FBXO9: variants seen among roughly 807,000 people sequenced by gnomAD.
FBXO9 encodes the protein F-box only protein 9.
Under a neutral mutation model 63.7 loss-of-function variants are expected in FBXO9, and 43 were observed. The ratio of observed to expected loss-of-function variants is 0.67; its 90% CI spans 0.53 to 0.87. The LOEUF is 0.87. Ranked by LOEUF, FBXO9 falls within the 40% of genes least tolerant of loss-of-function variation. FBXO9 has a pLI of 0.00. For synonymous variants in FBXO9, 156 were observed against 171.7 expected (o/e 0.91, Z 0.72); for missense variants, 442 against 533.2 (o/e 0.83, Z 1.68).
At chr6:53,086,064 G>A (rs909620296) in intron 7 of FBXO9, among the ~76,000 whole-genome samples, 3 of 152,294 alleles carry the variant, frequency 2.0e-5, no homozygotes, top group South Asian at 2.1e-4. Context: ...CAGGAGAATC[G>A]CTTGAACCCG....
At chr6:53,078,685 C>T in intron 4 of FBXO9, 114 bp from the exon 5 acceptor site, 1 of 704,444 alleles carries the variant, frequency 1.4e-6, no homozygotes, top group Non-Finnish European at 2.4e-6. Context: ...TGTAGAAAAA[C>T]AGAATTTGGC....
At chr6:53,080,850 T>C (rs1184543759) in intron 5 of FBXO9, 118 bp from the exon 6 acceptor site, 2 of 1,037,454 alleles carry the variant, frequency 1.9e-6, no homozygotes, top group East Asian at 4.8e-5. Context: ...GTATCACATG[T>C]TGAATAAGCT....
At chr6:53,066,577 C>CA (rs1247508557) in intron 1 of FBXO9, among the ~76,000 whole-genome samples, 9 of 152,222 alleles carry the variant, frequency 5.9e-5, no homozygotes, top group Admixed American at 5.9e-4. Flanking sequence ...ATAGTGGACT[C>CA]AAATATTTAT....
chr6:53,083,570 A>G (rs913647650), intron 7 of FBXO9, among the ~76,000 whole-genome samples: 1 of 152,248 alleles, frequency 6.6e-6, no homozygotes, highest in African/African-American at 2.4e-5. Context: ...AAGATCAGTA[A>G]CAAGGGGGAC....
rs895505316 is a variant in FBXO9, at chr6:53,095,717, A to T, written c.1205+53A>T. On this transcript the variant is annotated intron_variant, in intron 12 of 12. Transcript: ENST00000323557. ...GTTACACTATAAATGTATACTTCGTATCCAGCTTAAGAATTTCAGATATGT... is the reference window on the plus strand; with the variant it reads ...GTTACACTATAAATGTATACTTCGTTTCCAGCTTAAGAATTTCAGATATGT... The T allele has an allele frequency of 1.8e-5, 26 of 1,460,000 alleles. No homozygotes were observed. The African/African-American group carries it at 2.9e-4, about 16-fold the overall frequency. The allele number at this position is 1,460,000 out of a possible 1,614,324, so 90.4% of individuals were successfully genotyped here.
rs1438787924 is a variant in FBXO9, at chr6:53,098,695, G to C, written c.*865G>C. The C allele has an allele frequency of 6.6e-6, 1 of 152,200 alleles. No individual in the cohort carries two copies. The highest frequency in any genetic ancestry group is 1.5e-5 in the Non-Finnish European group (1 of 68,036). The allele number at this position is 152,200 out of a possible 1,614,324, so 9.4% of individuals were successfully genotyped here. A position where few individuals can be genotyped will look rare whatever the true frequency, so the allele number is the denominator to read the frequency against. On this transcript the variant is annotated 3_prime_UTR_variant, in exon 13 of 13. Transcript: ENST00000323557. Reference sequence around the variant, plus strand: ...CTTACCAATATATGACATTAAGTGAGAGTGAATCCCTTAGGACTGGAACAC... The same window carrying C: ...CTTACCAATATATGACATTAAGTGACAGTGAATCCCTTAGGACTGGAACAC...
chr6:53,095,844 G>A (rs1292863803), intron 12 of FBXO9, among the ~76,000 whole-genome samples, 180 bp downstream of exon 12: 1 of 152,184 alleles, frequency 6.6e-6, no homozygotes, highest in East Asian at 1.9e-4. Flanking sequence ...GACTAAGCAT[G>A]CTTGAGGAAG....
At position 53,093,902 on chromosome 6, in the gene FBXO9, T is replaced by C; in HGVS notation, c.977T>C (p.Leu326Pro). The C allele has an allele frequency of 6.5e-7, 1 of 1,550,320 alleles. No individual in the cohort carries two copies. Among genetic ancestry groups the C allele is most frequent in the Non-Finnish European group, 8.7e-7 (1 of 1,146,488 alleles). Residue 326 changes from leucine to proline, a missense_variant, in exon 11 of 13, where the codon CTG (leucine) becomes CCG (proline). Around this residue, in one of 2 missense-constraint regions of FBXO9, gnomAD observed 262 missense variants for 362.1 expected, o/e 0.72. Transcript: ENST00000323557. ...TTTTTAAGGACTGATGCAATTCTAC[T>C]GGGTCACTATCGCTTGTCACAAGAC... ...TRNTRTDAIL[L>P]GHYRLSQDTD...
intron 3 of FBXO9, among the ~76,000 whole-genome samples, chr6:53,074,066 T>C (rs151204508): frequency 4.5e-4 from 68 of 152,346 alleles, no homozygotes; most frequent in Middle Eastern, 3.4e-3. Flanking sequence ...TTTTGTTATA[T>C]TTTGAATTGA....
At position 53,073,479 on chromosome 6, in the gene FBXO9, AG is replaced by A; in HGVS notation, c.91del. ...AGTCCTAAAATGCTGTTCTCCCCAT[AG>A]GCACAACTCCAGATGTTCCGAGCTC... On this transcript the variant is annotated splice_acceptor_variant, in intron 2 of 12. Coordinates refer to ENST00000323557, the MANE Select transcript of FBXO9 (RefSeq NM_033480.3). LOFTEE classifies it high-confidence loss of function. 6 of 1,613,068 alleles carry A rather than the reference AG, an allele frequency of 3.7e-6. No homozygotes were observed. Among genetic ancestry groups the A allele is most frequent in the Non-Finnish European group, 5.1e-6 (6 of 1,179,448 alleles).
At chr6:53,073,781 T>C (rs559846341) in intron 3 of FBXO9, 142 bp downstream of exon 3, 9 of 660,908 alleles carry the variant, frequency 1.4e-5, no homozygotes, top group African/African-American at 1.3e-4. Flanking sequence ...TTGACTAGTA[T>C]ACTAGTTTAT....
intron 4 of FBXO9, among the ~76,000 whole-genome samples, chr6:53,077,684 A>C (rs1044065850): frequency 3.9e-5 from 6 of 152,286 alleles, no homozygotes; most frequent in Middle Eastern, 3.4e-3. Flanking sequence ...AAATGCCCCA[A>C]AACTAACATC....
intron 7 of FBXO9, among the ~76,000 whole-genome samples, chr6:53,087,341 CAAAAAAAAAAAA>C (rs58776188): frequency 2.1e-5 from 1 of 48,420 alleles, no homozygotes; most frequent in African/African-American, 7.3e-5. Flanking sequence ...GATCCTATCT[CAAAAAAAAAAAA>C]AAAAAAAAAA....
chr6:53,095,544 G>T lies in FBXO9; in HGVS notation c.1085G>T (p.Arg362Leu). Residue 362 changes from arginine (R) to leucine (L), a missense_variant, in exon 12 of 13, where the codon CGT (arginine) becomes CTT (leucine). By Grantham distance (102) the Arg-to-Leu change is moderately radical. Transcript: ENST00000323557. ...CTTGACTATAAATACAGATATTTTC[G>T]TCGTGTCCCTGTACAAGAAGCAGAT... ...KPLDYKYRYF[R>L]RVPVQEADQS... 2 of 1,612,172 alleles carry T rather than the reference G, an allele frequency of 1.2e-6. No individual in the cohort carries two copies. The highest frequency in any genetic ancestry group is 1.1e-5 in the South Asian group (1 of 90,750).
intron 7 of FBXO9, among the ~76,000 whole-genome samples, chr6:53,087,341 C>CAAAAAAA (rs58776188): frequency 2.1e-5 from 1 of 48,404 alleles, no homozygotes; most frequent in Non-Finnish European, 4.3e-5. Context: ...GATCCTATCT[C>CAAAAAAA]AAAAAAAAAA....
At chr6:53,076,604 C>A in intron 4 of FBXO9, 61 bp downstream of exon 4, 1 of 1,225,480 alleles carries the variant, frequency 8.2e-7, no homozygotes, top group Admixed American at 3.4e-5. Flanking sequence ...CTGTTATTAA[C>A]CATATTTTTT....
In FBXO9 at chr6:53,067,763, T is replaced by C. The variant is rs79426992; in HGVS notation, c.3+1971T>C. On this transcript the variant is annotated intron_variant, in intron 1 of 12. Coordinates refer to ENST00000323557, the MANE Select transcript of FBXO9 (RefSeq NM_033480.3). ...ACGCTCAGTCTTTCATTACATATTT[T>C]CCTACTAATGGTGTTCTTAGTAGGA... The C allele has an allele frequency of 6.9e-4, 105 of 152,312 alleles. No homozygotes were observed. In the East Asian group the frequency reaches 0.02, roughly 29 times the overall value. The allele number at this position is 152,312 out of a possible 1,614,324, so 9.4% of individuals were successfully genotyped here. A position where few individuals can be genotyped will look rare whatever the true frequency, so the allele number is the denominator to read the frequency against.
Position 53,098,152 on chromosome 6 carries a change from T to C in FBXO9, c.*322T>C, listed in dbSNP as rs997871183. The C allele has an allele frequency of 1.6e-5, 6 of 385,066 alleles. No homozygotes were observed. The East Asian group carries it at 5.1e-4, about 32-fold the overall frequency. 23.9% of individuals were successfully genotyped at this position (385,066 alleles called of 1,614,324 possible). On this transcript the variant is annotated 3_prime_UTR_variant, in exon 13 of 13. Transcript: ENST00000323557. ...TAATATGAGGTTTATCATGCCCTTT[T>C]TCAAGCAGATTTATGAGCAGATTTC... is the stretch of plus-strand genomic sequence containing the variant.
At chr6:53,073,333 A>T in intron 2 of FBXO9, 148 bp from the exon 3 acceptor site, 1 of 476,742 alleles carries the variant, frequency 2.1e-6, no homozygotes, top group Non-Finnish European at 3.6e-6. Context: ...TATTTAATGG[A>T]TATTTAATAA....
Sources: gnomAD v4.1 joint callset for allele counts (sites outside exome capture counted in the v4.1 genomes callset) on GRCh38, gnomAD v4.1.1 for gene constraint, gnomAD v4.1.1 regional missense constraint, MANE v1.5 for transcripts, NCBI Gene and HGNC (gene_info 2026-07-23, HGNC 2026-07-21) for gene names.